Variants in GAP43 observed in about 807,000 individuals in gnomAD.
GAP43 encodes growth associated protein 43.
In GAP43, 6 loss-of-function variants were observed where a neutral mutation model predicts 18.6. That is an observed-to-expected ratio of 0.32 (90% CI 0.18 to 0.64). The LOEUF (loss-of-function observed/expected upper bound fraction) is 0.64. Among genes scored for constraint, GAP43 ranks in the 30% least tolerant of loss-of-function variants. GAP43 has a pLI of 0.78. For missense variants in GAP43, 292 were observed against 295.5 expected (o/e 0.99, Z 0.09); for synonymous variants, 115 against 111.4 (o/e 1.03, Z -0.20).
At chr3:115,641,157 A>G (rs761202503) in intron 1 of GAP43, among the ~76,000 whole-genome samples, 1 of 149,186 alleles carries the variant, frequency 6.7e-6, no homozygotes, top group Non-Finnish European at 1.5e-5. Context: ...GAGCTACCAC[A>G]CCTGGCCCTG....
At chr3:115,627,799 TTTTCAA>T (rs113985603) in intron 1 of GAP43, among the ~76,000 whole-genome samples, 12 of 152,286 alleles carry the variant, frequency 7.9e-5, no homozygotes, top group African/African-American at 2.4e-4. Flanking sequence ...GAATTCTCCC[TTTTCAA>T]TTTGTGAAGT....
intron 1 of GAP43, among the ~76,000 whole-genome samples, chr3:115,657,077 G>A (rs1048387172): frequency 2.6e-5 from 4 of 152,168 alleles, no homozygotes; most frequent in African/African-American, 9.7e-5. Flanking sequence ...AGTTACTTCT[G>A]TGTCATAATG....
chr3:115,676,247 G>A lies in GAP43; in HGVS notation c.265G>A (p.Glu89Lys), dbSNP rs11557765. The A allele has an allele frequency of 5.6e-6, 9 of 1,614,118 alleles. No homozygotes were observed. Among genetic ancestry groups the A allele is most frequent in the Non-Finnish European group, 7.6e-6 (9 of 1,180,020 alleles). Residue 89 changes from glutamate to lysine, a missense_variant, in exon 2 of 3, where the codon GAA becomes AAA. Coordinates refer to ENST00000305124, the MANE Select transcript of GAP43 (RefSeq NM_002045.4). The stretch of plus-strand genomic sequence containing the variant: ...GAAGGGAGAAGGCACCACTACTGCC[G>A]AAGCAGCCCCAGCCACTGGCTCCAA... ...EKKGEGTTTAEAAPATGSKPD... is the reference protein window; with the variant it reads ...EKKGEGTTTAKAAPATGSKPD...
At chr3:115,689,155 C>G (rs1209776206) in intron 2 of GAP43, among the ~76,000 whole-genome samples, 3 of 152,330 alleles carry the variant, frequency 2.0e-5, no homozygotes, top group Non-Finnish European at 2.9e-5. Context: ...CAAGTCTTCC[C>G]TGACCATTTG....
intron 1 of GAP43, among the ~76,000 whole-genome samples, chr3:115,671,630 C>G (rs1199420108): frequency 6.6e-6 from 1 of 152,158 alleles, no homozygotes; most frequent in Non-Finnish European, 1.5e-5. Flanking sequence ...ACTGGAATGT[C>G]CTCTTTACTT....
chr3:115,663,342 C>G (rs28399373), intron 1 of GAP43, among the ~76,000 whole-genome samples: 9 of 152,212 alleles, frequency 5.9e-5, no homozygotes, highest in Non-Finnish European at 1.2e-4. Flanking sequence ...GCAGAACCTT[C>G]TCTTTACCAC....
At position 115,673,751 on chromosome 3, in the gene GAP43, C is replaced by T. The variant is rs576297080; in HGVS notation, c.31-2262C>T. On this transcript the variant is annotated intron_variant, in intron 1 of 2. Coordinates refer to ENST00000305124, the MANE Select transcript of GAP43 (RefSeq NM_002045.4). The stretch of plus-strand genomic sequence containing the variant: ...GGAGTCATCAAGAGCAGCAGGTTAG[C>T]GAGAAGGTGATAGTACATCAGAGAA... Among the ~76,000 whole-genome samples, 39 of 151,984 alleles carry T rather than the reference C, an allele frequency of 2.6e-4. 2 individuals are homozygous for T. The highest frequency in any genetic ancestry group is 4.4e-5 in the Non-Finnish European group (3 of 68,004).
chr3:115,673,763 A>G (rs1428851632), intron 1 of GAP43, among the ~76,000 whole-genome samples: 1 of 152,208 alleles, frequency 6.6e-6, no homozygotes, highest in East Asian at 1.9e-4. Flanking sequence ...AGAAGGTGAT[A>G]GTACATCAGA....
intron 1 of GAP43, among the ~76,000 whole-genome samples, chr3:115,626,769 A>AT (rs1708192821): frequency 6.6e-6 from 1 of 152,100 alleles, no homozygotes; most frequent in Non-Finnish European, 1.5e-5. Context: ...CCAGCCCCCC[A>AT]TCCATGCCAA....
chr3:115,659,983 G>A (rs1380267344), intron 1 of GAP43, among the ~76,000 whole-genome samples: 2 of 152,212 alleles, frequency 1.3e-5, no homozygotes, highest in Non-Finnish European at 2.9e-5. Flanking sequence ...TGTGAAGGGA[G>A]ACATTTCTTT....
At chr3:115,656,880 A>G (rs997198862) in intron 1 of GAP43, among the ~76,000 whole-genome samples, 1 of 152,238 alleles carries the variant, frequency 6.6e-6, no homozygotes, top group Non-Finnish European at 1.5e-5. Flanking sequence ...GAAGAAAATA[A>G]TGTTACTGGG....
rs139237597 is a variant in GAP43 at position 115,667,816 on chromosome 3, A to T, written c.31-8197A>T. ...TTCAGTTGCTAGCAGAAGAGGCCTC[A>T]CAGTCCCTCTCATGGACTGGTCTGT... On this transcript the variant is annotated intron_variant, in intron 1 of 2. Coordinates refer to ENST00000305124, the MANE Select transcript of GAP43 (RefSeq NM_002045.4). 2.3e-3 allele frequency among the ~76,000 whole-genome samples: 357 copies of T among 152,240 alleles called. 1 individual carries two copies. The highest frequency in any genetic ancestry group is 7.7e-3 in the African/African-American group (320 of 41,536).
intron 1 of GAP43, among the ~76,000 whole-genome samples, chr3:115,630,116 G>T (rs1264309287): frequency 1.3e-5 from 2 of 152,058 alleles, no homozygotes; most frequent in Non-Finnish European, 2.9e-5. Context: ...TTACTTTGAG[G>T]CTCCAAGTAC....
At chr3:115,683,143 GCGCGCACACACACACACACA>G (rs1708982301) in intron 2 of GAP43, among the ~76,000 whole-genome samples, 4 of 126,046 alleles carry the variant, frequency 3.2e-5, no homozygotes, top group Non-Finnish European at 1.7e-5. Context: ...GTGCGCGCGC[GCGCGCACACACACACACACA>G]CACACACACA....
intron 2 of GAP43, among the ~76,000 whole-genome samples, chr3:115,692,459 T>C (rs2107359577): frequency 6.6e-6 from 1 of 152,298 alleles, no homozygotes; most frequent in Admixed American, 6.5e-5. Context: ...AGTAAGGCTC[T>C]TAAAAGAAAA....
At chr3:115,710,406 G>A (rs1057276619) in intron 2 of GAP43, among the ~76,000 whole-genome samples, 8 of 151,994 alleles carry the variant, frequency 5.3e-5, no homozygotes, top group Admixed American at 2.6e-4. Flanking sequence ...TTTAAAACAC[G>A]TTTATTTTAA....
intron 2 of GAP43, among the ~76,000 whole-genome samples, chr3:115,715,175 A>G (rs1709488808): frequency 6.6e-6 from 1 of 152,206 alleles, no homozygotes; most frequent in Non-Finnish European, 1.5e-5. Context: ...TTGAAGGAAC[A>G]CAGACATTTA....
chr3:115,632,634 T>G (rs1245304243), intron 1 of GAP43, among the ~76,000 whole-genome samples: 1 of 152,188 alleles, frequency 6.6e-6, no homozygotes, highest in Admixed American at 6.5e-5. Context: ...CATTTAGAAA[T>G]ACTTTAAAGT....
intron 1 of GAP43, among the ~76,000 whole-genome samples, chr3:115,638,020 A>G (rs575083301): frequency 3.9e-5 from 6 of 152,130 alleles, no homozygotes; most frequent in Admixed American, 2.6e-4. Flanking sequence ...AAATAAACAA[A>G]AGAAAGAAAT....
Sources: gnomAD v4.1 joint callset for allele counts (sites outside exome capture counted in the v4.1 genomes callset) on GRCh38, gnomAD v4.1.1 for gene constraint, MANE v1.5 for transcripts, NCBI Gene and HGNC (gene_info 2026-07-23, HGNC 2026-07-21) for gene names.